CACNA1A: variants seen among roughly 807,000 people sequenced by gnomAD.
The protein encoded by CACNA1A is voltage-dependent P/Q-type calcium channel subunit alpha-1A.
CACNA1A carries 57 observed loss-of-function variants against 262.4 expected under a neutral mutation model. The observed-to-expected ratio is 0.22, with a 90% CI of 0.18 to 0.27. The LOEUF (loss-of-function observed/expected upper bound fraction) is 0.27. Ranked by LOEUF, CACNA1A falls within the 10% of genes least tolerant of loss-of-function variation. The probability of loss-of-function intolerance (pLI) is 1.00; values close to 1 mark genes in which losing one functional copy is unlikely to be tolerated. For synonymous variants in CACNA1A, 1,431 were observed against 1,419.3 expected, an observed-to-expected ratio of 1.01 and a Z score of -0.18; for missense variants, 2,526 against 3,562.8, an observed-to-expected ratio of 0.71 and a Z score of 7.41.
At chr19:13,262,402 T>C (rs2056754521) in intron 25 of CACNA1A, 1 of 211,930 alleles carries the variant, frequency 4.7e-6, no homozygotes, top group Admixed American at 5.3e-5. Context: ...GTCAAAATTT[T>C]ATGGAACAAG....
intron 3 of CACNA1A, among the ~76,000 whole-genome samples, chr19:13,449,119 A>T (rs1463470244): frequency 2.0e-5 from 3 of 151,810 alleles, no homozygotes; most frequent in Non-Finnish European, 4.4e-5. Context: ...GGCGTGCGTC[A>T]TCATGCCTGG....
chr19:13,320,985 A>T (rs2145069870), intron 10 of CACNA1A, among the ~76,000 whole-genome samples: 1 of 151,386 alleles, frequency 6.6e-6, no homozygotes, highest in East Asian at 1.9e-4. Flanking sequence ...CAAGGGATCA[A>T]GAGCCGGTGT....
chr19:13,285,873 A>T (rs1302776587), intron 20 of CACNA1A, among the ~76,000 whole-genome samples: 7 of 151,512 alleles, frequency 4.6e-5, no homozygotes, highest in African/African-American at 1.7e-4. Context: ...GAAAGCCTTT[A>T]TCCAGCAAAC....
rs376116372 is a variant in CACNA1A at position 13,286,803 on chromosome 19, G to C, written c.3253C>G (p.Leu1085Val). The C allele has an allele frequency of 1.2e-6, 2 of 1,613,222 alleles. No individual in the cohort carries two copies. The highest frequency in any genetic ancestry group is 2.7e-5 in the African/African-American group (2 of 74,894). ...TAESAAPHGS[L>V]GHAGLPQSPA... Reference sequence around the variant, plus strand: ...CTCTGGGGCAGGCCGGCGTGGCCAAGGCTGCCGTGGGGAGCGGCCGACTCC... The same window carrying C: ...CTCTGGGGCAGGCCGGCGTGGCCAACGCTGCCGTGGGGAGCGGCCGACTCC... The change falls in exon 20 of 47, where the codon CTT becomes GTT. Residue 1085 changes from leucine to valine, a missense_variant. Around this residue, in one of 17 missense-constraint regions of CACNA1A, gnomAD observed 765 missense variants for 748.6 expected, o/e 1.02. Transcript: ENST00000360228.
At position 13,277,061 on chromosome 19, in the gene CACNA1A, G is replaced by C. The variant is rs758832311; in HGVS notation, c.3882+8C>G. 1 of 1,598,546 alleles carries C rather than the reference G, an allele frequency of 6.3e-7. No individual in the cohort carries two copies. Among genetic ancestry groups the C allele is most frequent in the Non-Finnish European group, 8.6e-7 (1 of 1,166,286 alleles). On this transcript the variant is annotated splice_region_variant and intron_variant, in intron 23 of 46. Transcript: ENST00000360228. ...TACCGTGTGTTCTCACTTATAATCT[G>C]CACTCACCTTGATCACCATCTCAAA... is the stretch of plus-strand genomic sequence containing the variant.
intron 2 of CACNA1A, among the ~76,000 whole-genome samples, chr19:13,453,701 T>C (rs1021537114): frequency 1.3e-5 from 2 of 152,340 alleles, no homozygotes; most frequent in East Asian, 3.9e-4. Context: ...TCTATCATAT[T>C]TGAAATTAAG....
chr19:13,413,139 C>T (rs2060142525), intron 3 of CACNA1A, among the ~76,000 whole-genome samples: 1 of 150,930 alleles, frequency 6.6e-6, no homozygotes, highest in Non-Finnish European at 1.5e-5. Flanking sequence ...GTGTCTCGCG[C>T]TCTGTCGCCC....
In CACNA1A at chr19:13,287,085, C is replaced by T. The variant is rs1236995802; in HGVS notation, c.3090-119G>A. 2.1e-5 allele frequency: 17 copies of T among 818,674 alleles called. No homozygotes were observed. The East Asian group carries it at 4.4e-4, about 21-fold the overall frequency. 50.7% of individuals were successfully genotyped at this position (818,674 alleles called of 1,614,324 possible). A position where few individuals can be genotyped will look rare whatever the true frequency, so the allele number is the denominator to read the frequency against. On this transcript the variant is annotated intron_variant, in intron 19 of 46. Transcript: ENST00000360228. The stretch of plus-strand genomic sequence containing the variant: ...GTACAATTTGGGCTGGGCGCAGTGG[C>T]TCACGCCTGTAATCCCAGCACTTTG...
At chr19:13,409,002 G>A (rs930817722) in intron 3 of CACNA1A, among the ~76,000 whole-genome samples, 3 of 152,062 alleles carry the variant, frequency 2.0e-5, no homozygotes, top group African/African-American at 4.8e-5. Context: ...TGACTGTTTC[G>A]GCTTCGTGAC....
rs963386767 is a variant in CACNA1A, at chr19:13,308,908, G to A, written c.1669-380C>T. On this transcript the variant is annotated intron_variant, in intron 12 of 46. Coordinates refer to ENST00000360228, the MANE Select transcript of CACNA1A (RefSeq NM_001127222.2). This position sits in a 1 kb window ranked among gnomAD's most constrained non-coding sequence, Gnocchi z 4.2. ...TGCCCAGGCTGGCCTCAAACTTCTGGGCTGAAGCCATCCTCCTGCTTTGGT... is the reference window on the plus strand; with the variant it reads ...TGCCCAGGCTGGCCTCAAACTTCTGAGCTGAAGCCATCCTCCTGCTTTGGT... The A allele has an allele frequency of 1.3e-5, 2 of 156,586 alleles. No individual in the cohort carries two copies. Among genetic ancestry groups the A allele is most frequent in the African/African-American group, 4.8e-5 (2 of 41,622 alleles). 9.7% of individuals were successfully genotyped at this position (156,586 alleles called of 1,614,324 possible). A position where few individuals can be genotyped will look rare whatever the true frequency, so the allele number is the denominator to read the frequency against.
chr19:13,475,558 C>T (rs1978428184), intron 1 of CACNA1A, among the ~76,000 whole-genome samples: 2 of 152,144 alleles, frequency 1.3e-5, no homozygotes, highest in South Asian at 4.1e-4. Context: ...TACTCTGTGC[C>T]CAGAGAAAAA....
At chr19:13,340,073 G>T (rs897668444) in intron 6 of CACNA1A, among the ~76,000 whole-genome samples, 1 of 152,114 alleles carries the variant, frequency 6.6e-6, no homozygotes, top group Non-Finnish European at 1.5e-5. Flanking sequence ...ACTCTGCACC[G>T]GCCGCCAGTA....
At chr19:13,395,213 G>T (rs756245675) in intron 3 of CACNA1A, among the ~76,000 whole-genome samples, 4 of 147,532 alleles carry the variant, frequency 2.7e-5, no homozygotes, top group Non-Finnish European at 5.9e-5. Context: ...GGCAGAGGCT[G>T]CAGTGAGCTG....
intron 1 of CACNA1A, among the ~76,000 whole-genome samples, chr19:13,499,843 C>T (rs1187466054): frequency 6.6e-6 from 1 of 152,090 alleles, no homozygotes; most frequent in Non-Finnish European, 1.5e-5. Context: ...CTGGCATTCT[C>T]GGAAATGCGT....
At chr19:13,283,617 G>A (rs1447922733) in intron 21 of CACNA1A, 3 of 498,586 alleles carry the variant, frequency 6.0e-6, no homozygotes, top group South Asian at 2.5e-5. Flanking sequence ...CACATGCCCT[G>A]TTTAGCAAAG....
intron 3 of CACNA1A, among the ~76,000 whole-genome samples, chr19:13,440,872 C>T (rs1158028131): frequency 6.6e-6 from 1 of 152,210 alleles, no homozygotes; most frequent in African/African-American, 2.4e-5. Context: ...GTGGTGCAAG[C>T]ACGGCTCACT....
intron 29 of CACNA1A, 138 bp downstream of exon 29, chr19:13,254,957 G>C: frequency 1.2e-6 from 1 of 835,770 alleles, no homozygotes; most frequent in Non-Finnish European, 1.9e-6. Context: ...CAGGTAGAGG[G>C]AACAGCAGGA....
chr19:13,360,510 TTC>T lies in CACNA1A; in HGVS notation c.785-713_785-712del, dbSNP rs527686416. On this transcript the variant is annotated intron_variant, in intron 5 of 46. Coordinates refer to ENST00000360228, the MANE Select transcript of CACNA1A (RefSeq NM_001127222.2). ...TTTTTTTTTTTGAGACGGAGTCTCA[TTC>T]TGTCACCCAGGCTGGAGTGCAATGG... Among the ~76,000 whole-genome samples, 23 of 148,212 alleles carry T rather than the reference TTC, an allele frequency of 1.6e-4. No individual in the cohort carries two copies. The East Asian group carries it at 3.7e-3, about 24-fold the overall frequency.
At chr19:13,378,746 T>TC (rs200992745) in intron 3 of CACNA1A, among the ~76,000 whole-genome samples, 13,858 of 151,274 alleles carry the variant, frequency 0.092, 650 homozygotes, top group Middle Eastern at 0.14. Flanking sequence ...CACTGCAATC[T>TC]CCCCCCCGCC....
Sources: gnomAD v4.1 joint callset for allele counts (sites outside exome capture counted in the v4.1 genomes callset) on GRCh38, gnomAD v4.1.1 for gene constraint, gnomAD v4.1.1 regional missense constraint, Gnocchi (gnomAD v3.1) non-coding constraint, MANE v1.5 for transcripts, NCBI Gene and HGNC (gene_info 2026-07-23, HGNC 2026-07-21) for gene names.